NXPE4: variants seen among roughly 807,000 people sequenced by gnomAD.
NXPE4 encodes the protein neurexophilin and PC-esterase domain family member 4, also known as NXPE family member 4.
NXPE4 carries 42 observed loss-of-function variants against 33.3 expected under a neutral mutation model. The ratio of observed to expected loss-of-function variants is 1.26; its 90% confidence interval spans 0.98 to 1.63. The LOEUF is 1.63. NXPE4 is among the 40% of genes most tolerant of loss of function. The pLI is 0.00. For synonymous variants in NXPE4, 253 were observed against 234.9 expected, an observed-to-expected ratio of 1.08 and a Z score of -0.71; for missense variants, 709 against 647.6, an observed-to-expected ratio of 1.09 and a Z score of -1.03.
At chr11:114,674,262 A>T in the NXPE4 span, among the ~76,000 whole-genome samples, 1 of 151,840 alleles carries the variant, frequency 6.6e-6, no homozygotes, top group Non-Finnish European at 1.5e-5. Flanking sequence ...TTTGCCAACC[A>T]AATAACCTTA....
At chr11:114,613,958 T>C in the NXPE4 span, among the ~76,000 whole-genome samples, 3 of 147,032 alleles carry the variant, frequency 2.0e-5, no homozygotes, top group Non-Finnish European at 4.5e-5. Context: ...AATCACTGTT[T>C]ACCGGTGGAT....
chr11:114,667,529 A>G, the NXPE4 span, among the ~76,000 whole-genome samples: 3 of 152,156 alleles, frequency 2.0e-5, no homozygotes, highest in East Asian at 5.8e-4. Flanking sequence ...CTTGCTTCTA[A>G]CAAATATAAT....
At chr11:114,676,986 T>C in the NXPE4 span, among the ~76,000 whole-genome samples, 2 of 152,014 alleles carry the variant, frequency 1.3e-5, no homozygotes, top group Admixed American at 1.3e-4. Flanking sequence ...CTGGAGGACA[T>C]TATGCTGGGT....
chr11:114,612,724 G>T, the NXPE4 span, among the ~76,000 whole-genome samples: 1 of 151,620 alleles, frequency 6.6e-6, no homozygotes, highest in South Asian at 2.1e-4. Flanking sequence ...GTTGCCTCGT[G>T]GGTAACCACT....
At chr11:114,592,548 A>C (rs577577040) in intron 2 of NXPE4, among the ~76,000 whole-genome samples, 2 of 151,706 alleles carry the variant, frequency 1.3e-5, no homozygotes, top group South Asian at 2.1e-4. Context: ...CACACACACA[A>C]AATAGATATT....
upstream of NXPE4, among the ~76,000 whole-genome samples, chr11:114,600,451 T>C (rs1287840678): frequency 6.6e-6 from 1 of 152,150 alleles, no homozygotes; most frequent in Non-Finnish European, 1.5e-5. Context: ...ACACAAATGC[T>C]GTACTGAGAA....
the NXPE4 span, among the ~76,000 whole-genome samples, chr11:114,625,915 G>A: frequency 6.6e-6 from 1 of 152,164 alleles, no homozygotes; most frequent in African/African-American, 2.4e-5. Flanking sequence ...AGGGGTGACA[G>A]ACGGCACCTG....
intron 1 of NXPE4, among the ~76,000 whole-genome samples, chr11:114,595,018 G>A (rs1482405650): frequency 2.0e-5 from 3 of 151,918 alleles, no homozygotes; most frequent in African/African-American, 7.3e-5. Context: ...TTAAGAAATC[G>A]AGCAGCTTAA....
At position 114,582,374 on chromosome 11, in the gene NXPE4, G is replaced by A. The variant is rs758007169; in HGVS notation, c.744C>T (p.His248=). The A allele has an allele frequency of 2.5e-6, 4 of 1,614,116 alleles. No homozygotes were observed. Among genetic ancestry groups the A allele is most frequent in the Admixed American group, 1.7e-5 (1 of 60,032 alleles). ...QEGFYCVRPQ[H]MPCAALTHMY... The stretch of plus-strand genomic sequence containing the variant: ...TGTGAGTGAGTGCAGCACAGGGCAT[G>A]TGTTGAGGCCTCACACAGTAGAAGC... The change falls in exon 3 of 6, where the codon CAC becomes CAT. Residue 248 remains histidine (H), a synonymous_variant. Coordinates refer to ENST00000375478, the MANE Select transcript of NXPE4 (RefSeq NM_001077639.2).
At position 114,571,159 on chromosome 11, in the gene NXPE4, TG is replaced by T; in HGVS notation, c.1413del (p.Ile472SerfsTer28). The T allele has an allele frequency of 6.2e-7, 1 of 1,614,030 alleles. No individual in the cohort carries two copies. Among genetic ancestry groups the T allele is most frequent in the African/African-American group, 1.3e-5 (1 of 75,046 alleles). ...LLLRSPDTMV[I>X]IKTENIREMY... ...ATCTCCCTGATGTTTTCTGTTTTGA[TG>T]ATAACCATAGTGTCTGGGCTTCTCA... On this transcript the variant is annotated frameshift_variant, in exon 6 of 6. Transcript: ENST00000375478. LOFTEE classifies it low-confidence loss of function (END_TRUNC).
the NXPE4 span, among the ~76,000 whole-genome samples, chr11:114,676,620 G>A: frequency 2.0e-5 from 3 of 151,956 alleles, no homozygotes; most frequent in Admixed American, 6.6e-5. Flanking sequence ...GTGATGGTGA[G>A]GAGAGGGAGA....
At chr11:114,603,975 G>T in the NXPE4 span, among the ~76,000 whole-genome samples, 1 of 151,516 alleles carries the variant, frequency 6.6e-6, no homozygotes, top group Non-Finnish European at 1.5e-5. Flanking sequence ...CTATTACCTG[G>T]TGGATAATAA....
At position 114,571,171 on chromosome 11, in the gene NXPE4, T is replaced by C; in HGVS notation, c.1402A>G (p.Thr468Ala). 1.2e-6 allele frequency: 2 copies of C among 1,614,004 alleles called. No individual in the cohort carries two copies. Among genetic ancestry groups the C allele is most frequent in the East Asian group, 2.2e-5 (1 of 44,868 alleles). The change falls in exon 6 of 6, where the codon ACT becomes GCT. Residue 468 changes from threonine to alanine, a missense_variant. Physicochemically the swap from Thr to Ala is moderately conservative, Grantham distance 58 (BLOSUM62 0). Transcript: ENST00000375478. ...IQHLLLRSPD[T>A]MVIIKTENIR... ...TTTTCTGTTTTGATGATAACCATAG[T>C]GTCTGGGCTTCTCAGAAGAAGATGC...
the NXPE4 span, among the ~76,000 whole-genome samples, chr11:114,629,671 G>A: frequency 6.6e-5 from 10 of 151,942 alleles, no homozygotes; most frequent in Non-Finnish European, 1.3e-4. Context: ...TTCTGGCCAG[G>A]GCAATTACAT....
chr11:114,620,259 G>A, the NXPE4 span, among the ~76,000 whole-genome samples: 1 of 151,890 alleles, frequency 6.6e-6, no homozygotes, highest in Non-Finnish European at 1.5e-5. Flanking sequence ...TTGCCTCGTG[G>A]GTAACTACGG....
intron 2 of NXPE4, among the ~76,000 whole-genome samples, chr11:114,585,677 GA>G (rs1565335572): frequency 6.6e-6 from 1 of 152,032 alleles, no homozygotes. Flanking sequence ...ACAGGAACTA[GA>G]AAGAAATTAT....
the NXPE4 span, among the ~76,000 whole-genome samples, chr11:114,639,000 T>A: frequency 6.6e-6 from 1 of 152,068 alleles, no homozygotes; most frequent in African/African-American, 2.4e-5. Context: ...TTCAAAGCTG[T>A]CAGACTGGGA....
At position 114,580,204 on chromosome 11, in the gene NXPE4, C is replaced by G. The variant is rs1949105115; in HGVS notation, c.1027G>C (p.Gly343Arg). Residue 343 changes from glycine (G) to arginine (R), a missense_variant, in exon 5 of 6, where the codon GGA (glycine) becomes CGA (arginine). By Grantham distance (125) the Gly-to-Arg change is moderately radical (BLOSUM62 -2). Coordinates refer to ENST00000375478, the MANE Select transcript of NXPE4 (RefSeq NM_001077639.2). Reference sequence around the variant, plus strand: ...TCTCCCATTAGGTATATGAGTTTTCCTCTCAGGCATTCCTTCATTTTGACT... The same window carrying G: ...TCTCCCATTAGGTATATGAGTTTTCGTCTCAGGCATTCCTTCATTTTGACT... The part of the protein sequence containing the change: ...ATVKMKECLR[G>R]KLIYLMGDST... The G allele has an allele frequency of 6.2e-7, 1 of 1,613,928 alleles. No individual in the cohort carries two copies. Among genetic ancestry groups the G allele is most frequent in the South Asian group, 1.1e-5 (1 of 91,076 alleles).
chr11:114,588,518 A>G (rs938616369), intron 2 of NXPE4, among the ~76,000 whole-genome samples: 2 of 152,174 alleles, frequency 1.3e-5, no homozygotes, highest in African/African-American at 2.4e-5. Context: ...GATGAGCAAT[A>G]TGTCTCCTAT....
Sources: gnomAD v4.1 joint callset for allele counts (sites outside exome capture counted in the v4.1 genomes callset) on GRCh38, gnomAD v4.1.1 for gene constraint, MANE v1.5 for transcripts, NCBI Gene and HGNC (gene_info 2026-07-23, HGNC 2026-07-21) for gene names.